The following CHCHD3 variants were observed in gnomAD, a reference collection of about 807,000 sequenced individuals.
CHCHD3 encodes coiled-coil-helix-coiled-coil-helix domain containing 3, also known as MICOS complex subunit MIC19.
Under a neutral mutation model 38.2 loss-of-function variants are expected in CHCHD3, and 20 were observed. The ratio of observed to expected loss-of-function variants is 0.52; its 90% CI spans 0.37 to 0.76. CHCHD3 has a LOEUF of 0.76. Among genes scored for constraint, CHCHD3 ranks in the 30% least tolerant of loss-of-function variants. The probability of loss-of-function intolerance (pLI) is 0.00; values close to 1 mark genes in which losing one functional copy is unlikely to be tolerated. For missense variants in CHCHD3, 245 were observed against 279.2 expected (o/e 0.88, Z 0.87); for synonymous variants, 82 against 100.0 (o/e 0.82, Z 1.07).
At chr7:132,987,597 A>G (rs1812154910) in intron 3 of CHCHD3, among the ~76,000 whole-genome samples, 1 of 152,244 alleles carries the variant, frequency 6.6e-6, no homozygotes, top group South Asian at 2.1e-4. Context: ...AAGCAGTGCC[A>G]GAACACAACT....
chr7:132,960,610 C>G (rs1292154586), intron 4 of CHCHD3, among the ~76,000 whole-genome samples: 3 of 152,074 alleles, frequency 2.0e-5, no homozygotes, highest in African/African-American at 7.2e-5. Context: ...CAACATGGAG[C>G]AAGGAGGTGT....
chr7:132,961,705 A>T (rs146542875), intron 4 of CHCHD3, among the ~76,000 whole-genome samples: 2 of 152,244 alleles, frequency 1.3e-5, no homozygotes, highest in Non-Finnish European at 2.9e-5. Context: ...TATAGTTACA[A>T]TGCTGTACCT....
rs553681099 is a variant in CHCHD3, at chr7:133,081,591, T to G, written c.81+266A>C. On this transcript the variant is annotated intron_variant, in intron 1 of 7. Transcript: ENST00000262570. ...AACAAGGGAGCAGTACAGTTACGAGTAGACTGTGAGCCCTTGCAGGGTATA... is the reference window on the plus strand; with the variant it reads ...AACAAGGGAGCAGTACAGTTACGAGGAGACTGTGAGCCCTTGCAGGGTATA... 2.0e-5 allele frequency among the ~76,000 whole-genome samples: 3 copies of G among 151,830 alleles called. No homozygotes were observed. In the South Asian group the frequency reaches 6.2e-4, roughly 32 times the overall value.
chr7:132,940,526 A>G (rs1032909203), intron 4 of CHCHD3, among the ~76,000 whole-genome samples: 8 of 152,216 alleles, frequency 5.3e-5, no homozygotes, highest in African/African-American at 1.9e-4. Flanking sequence ...GGAGCGGTTC[A>G]GGGGTTTGGT....
chr7:133,070,200 C>T lies in CHCHD3; in HGVS notation c.111G>A (p.Lys37=), dbSNP rs1814779315. ...RLSENVIDRM[K]ESSPSGSKSQ... ...ACTTCGAACCAGATGGAGAGGATTC[C>T]TTCATTCGATCAATCACATTTTCCG... The change falls in exon 2 of 8, where the codon AAG becomes AAA. Residue 37 remains lysine (K), a synonymous_variant. Transcript: ENST00000262570. The T allele has an allele frequency of 6.2e-7, 1 of 1,613,436 alleles. No individual in the cohort carries two copies. Among genetic ancestry groups the T allele is most frequent in the Middle Eastern group, 1.7e-4 (1 of 5,812 alleles).
At chr7:132,812,865 A>G (rs1715662693) in intron 6 of CHCHD3, among the ~76,000 whole-genome samples, 1 of 152,186 alleles carries the variant, frequency 6.6e-6, no homozygotes, top group South Asian at 2.1e-4. Context: ...AGAACCCCAA[A>G]GGAGCTCAGC....
chr7:132,875,090 G>A (rs1808861998), intron 5 of CHCHD3, among the ~76,000 whole-genome samples: 1 of 152,106 alleles, frequency 6.6e-6, no homozygotes, highest in South Asian at 2.1e-4. Flanking sequence ...GCATTATTCA[G>A]GGCACAGAAA....
chr7:133,037,857 T>A (rs1011381297), intron 2 of CHCHD3, among the ~76,000 whole-genome samples: 8 of 152,150 alleles, frequency 5.3e-5, no homozygotes, highest in Non-Finnish European at 1.2e-4. Context: ...GCCAAAATGA[T>A]ACTAATGATT....
chr7:132,794,345 A>G (rs1366711556), intron 7 of CHCHD3, among the ~76,000 whole-genome samples: 1 of 152,200 alleles, frequency 6.6e-6, no homozygotes, highest in Non-Finnish European at 1.5e-5. Flanking sequence ...TAAATTCACT[A>G]TTGTGACTTC....
chr7:132,880,576 G>A (rs1460554349), intron 5 of CHCHD3, among the ~76,000 whole-genome samples: 1 of 151,914 alleles, frequency 6.6e-6, no homozygotes, highest in Admixed American at 6.6e-5. Context: ...GAAAATCTAG[G>A]ATTCATTCAC....
rs1192998971 is a variant in CHCHD3 at position 133,082,068 on chromosome 7, A to G, written c.-131T>C. 2 of 779,756 alleles carry G rather than the reference A, an allele frequency of 2.6e-6. No homozygotes were observed. Among genetic ancestry groups the G allele is most frequent in the South Asian group, 1.9e-5 (1 of 53,090 alleles). The allele number at this position is 779,756 out of a possible 1,614,324, so 48.3% of individuals were successfully genotyped here. A position where few individuals can be genotyped will look rare whatever the true frequency, so the allele number is the denominator to read the frequency against. On this transcript the variant is annotated 5_prime_UTR_variant, in exon 1 of 8. Transcript: ENST00000262570. ...CGGGAGCAAGGCCACGACCCCCAGA[A>G]GCAAGGAGAAGGCGCCGGTCCTGAG...
chr7:132,926,817 G>T (rs1001629892), intron 4 of CHCHD3, among the ~76,000 whole-genome samples: 3 of 151,856 alleles, frequency 2.0e-5, no homozygotes, highest in Non-Finnish European at 2.9e-5. Flanking sequence ...TGTTTTTAAT[G>T]TGTATTTTTT....
chr7:132,932,301 C>G (rs1810532594), intron 4 of CHCHD3, among the ~76,000 whole-genome samples: 1 of 152,094 alleles, frequency 6.6e-6, no homozygotes, highest in Non-Finnish European at 1.5e-5. Flanking sequence ...AACACTAGAA[C>G]TCAGGGTCAG....
chr7:132,896,660 T>C (rs988949716), intron 4 of CHCHD3, among the ~76,000 whole-genome samples: 1 of 152,214 alleles, frequency 6.6e-6, no homozygotes, highest in African/African-American at 2.4e-5. Flanking sequence ...AGCAGTCTTA[T>C]CTTCTCTAAT....
At chr7:132,837,326 T>TA (rs1010892455) in intron 6 of CHCHD3, among the ~76,000 whole-genome samples, 1 of 152,086 alleles carries the variant, frequency 6.6e-6, no homozygotes, top group African/African-American at 2.4e-5. Flanking sequence ...TAGAGTAACT[T>TA]AAAAAATCTA....
Position 132,996,127 on chromosome 7 carries a change from G to A in CHCHD3, c.252-20841C>T, listed in dbSNP as rs574653376. 5.9e-5 allele frequency among the ~76,000 whole-genome samples: 9 copies of A among 152,268 alleles called. No homozygotes were observed. The South Asian group carries it at 1.0e-3, about 18-fold the overall frequency. On this transcript the variant is annotated intron_variant, in intron 3 of 7. Transcript: ENST00000262570. ...ATGCTATATCTTGATTATGTGAACC[G>A]AAACGCTTAGCTCAAGACCCTCAAA...
At chr7:132,908,462 T>C (rs748287943) in intron 4 of CHCHD3, among the ~76,000 whole-genome samples, 1 of 152,234 alleles carries the variant, frequency 6.6e-6, no homozygotes, top group Admixed American at 6.5e-5. Context: ...TTGTTTAGTA[T>C]GCCATCTTCA....
chr7:132,902,915 C>T lies in CHCHD3; in HGVS notation c.370-17170G>A, dbSNP rs560827121. ...GGGAAGACCAAAACGAGGCAGAGAGCTCCACAATCCCAAATTCTAGAAACT... is the reference window on the plus strand; with the variant it reads ...GGGAAGACCAAAACGAGGCAGAGAGTTCCACAATCCCAAATTCTAGAAACT... On this transcript the variant is annotated intron_variant, in intron 4 of 7. Coordinates refer to ENST00000262570, the MANE Select transcript of CHCHD3 (RefSeq NM_017812.4). Among the ~76,000 whole-genome samples the T allele has an allele frequency of 8.5e-5, 13 of 152,326 alleles. No individual in the cohort carries two copies. The East Asian group carries it at 1.5e-3, about 18-fold the overall frequency.
intron 5 of CHCHD3, among the ~76,000 whole-genome samples, chr7:132,857,838 G>C (rs1265663859): frequency 1.3e-5 from 2 of 152,184 alleles, no homozygotes; most frequent in Non-Finnish European, 2.9e-5. Flanking sequence ...AGATACCCCT[G>C]TGTTGAAAGA....
Sources: allele counts gnomAD v4.1 joint callset (sites outside exome capture counted in the v4.1 genomes callset), GRCh38; gene constraint gnomAD v4.1.1; transcripts MANE v1.5; gene names NCBI Gene and HGNC (gene_info 2026-07-23, HGNC 2026-07-21).